The following RIMKLB variants were observed in gnomAD, a reference collection of about 807,000 sequenced individuals.
RIMKLB encodes the protein ribosomal modification protein rimK like family member B, also known as beta-citrylglutamate synthase B.
In RIMKLB, 7 loss-of-function variants were observed where a neutral mutation model predicts 32.0. The observed-to-expected ratio is 0.22, with a 90% CI of 0.12 to 0.41. The LOEUF (loss-of-function observed/expected upper bound fraction) is 0.41. Ranked by LOEUF, RIMKLB falls within the 10% of genes least tolerant of loss-of-function variation. RIMKLB has a pLI of 1.00. For missense variants in RIMKLB, 289 were observed against 498.7 expected (o/e 0.58, Z 4.00); for synonymous variants, 172 against 185.1 (o/e 0.93, Z 0.57).
At chr12:8,719,230 C>T (rs1945191308) in intron 2 of RIMKLB, among the ~76,000 whole-genome samples, 1 of 152,120 alleles carries the variant, frequency 6.6e-6, no homozygotes, top group Non-Finnish European at 1.5e-5. Context: ...CTTTTCCTGG[C>T]TTGAGAGCTC....
the RIMKLB span, among the ~76,000 whole-genome samples, chr12:8,672,583 C>T: frequency 4.0e-5 from 6 of 151,586 alleles, no homozygotes; most frequent in African/African-American, 9.7e-5. Context: ...ATCACTACCA[C>T]GAGAATAGCA....
chr12:8,748,611 A>G (rs1233506437), intron 2 of RIMKLB, among the ~76,000 whole-genome samples: 1 of 146,884 alleles, frequency 6.8e-6, no homozygotes, highest in Non-Finnish European at 1.5e-5. Context: ...TATATTTTTT[A>G]TATATATATA....
chr12:8,758,757 C>G (rs111242444), intron 5 of RIMKLB, among the ~76,000 whole-genome samples: 1 of 152,048 alleles, frequency 6.6e-6, no homozygotes, highest in Admixed American at 6.5e-5. Flanking sequence ...AATGAATAAC[C>G]GGTTGTCTGA....
Position 8,707,894 on chromosome 12 carries a change from G to A in RIMKLB, c.-56-5917G>A, listed in dbSNP as rs114414400. On this transcript the variant is annotated intron_variant, in intron 1 of 5. Transcript: ENST00000535829. ...CAACTCCCGTGATTCCTATCCAAGA[G>A]GGGATAGTGTTGAAAACAAGTCTTT... 5.2e-3 allele frequency among the ~76,000 whole-genome samples: 785 copies of A among 152,272 alleles called. 8 individuals carry two copies. The highest frequency in any genetic ancestry group is 0.017 in the African/African-American group (726 of 41,556).
intron 2 of RIMKLB, among the ~76,000 whole-genome samples, chr12:8,738,300 TC>T (rs1947203228): frequency 6.6e-6 from 1 of 152,182 alleles, no homozygotes; most frequent in Admixed American, 6.6e-5. Flanking sequence ...TGCCTCAACT[TC>T]CTGGAGTTCT....
chr12:8,679,066 G>A (rs1313447253), upstream of RIMKLB: 1 of 155,176 alleles, frequency 6.4e-6, no homozygotes, highest in African/African-American at 2.4e-5. Context: ...GGGATGGCCA[G>A]CCAGATGGAA....
chr12:8,677,371 A>G (rs1320615305), upstream of RIMKLB, among the ~76,000 whole-genome samples: 1 of 152,104 alleles, frequency 6.6e-6, no homozygotes, highest in Non-Finnish European at 1.5e-5. Flanking sequence ...CCCAGCACAT[A>G]CACCACACCC....
Position 8,773,729 on chromosome 12 carries a change from G to A in RIMKLB, c.1106G>A (p.Gly369Asp), listed in dbSNP as rs1565430782. 4 of 1,614,224 alleles carry A rather than the reference G, an allele frequency of 2.5e-6. No homozygotes were observed. The highest frequency in any genetic ancestry group is 3.4e-6 in the Non-Finnish European group (4 of 1,180,034). ...ERELLTKLPGGLFNMNQLLAN... is the reference protein window; with the variant it reads ...ERELLTKLPGDLFNMNQLLAN... ...GAGCTGCTCACCAAGCTCCCAGGGG[G>A]CCTGTTCAACATGAACCAGCTGCTA... The change falls in exon 6 of 6, where the codon GGC becomes GAC. Residue 369 changes from glycine to aspartate, a missense_variant. Transcript: ENST00000535829.
downstream of RIMKLB, among the ~76,000 whole-genome samples, chr12:8,781,506 TCTGCCATCAGTTCCACC>T (rs1173759076): frequency 9.3e-5 from 14 of 150,980 alleles, no homozygotes; most frequent in African/African-American, 3.2e-4. Flanking sequence ...CATGTTCCAC[TCTGCCATCAGTTCCACC>T]CTGCCTGTTC....
At chr12:8,768,298 G>A (rs920172559) in intron 5 of RIMKLB, among the ~76,000 whole-genome samples, 8 of 152,186 alleles carry the variant, frequency 5.3e-5, no homozygotes, top group African/African-American at 1.7e-4. Flanking sequence ...GATCTGGAGG[G>A]GTGGAAGTCA....
intron 2 of RIMKLB, among the ~76,000 whole-genome samples, chr12:8,733,520 G>A (rs1309785292): frequency 6.6e-6 from 1 of 152,160 alleles, no homozygotes; most frequent in South Asian, 2.1e-4. Context: ...GTCTGAAAAA[G>A]TGAGAAACTA....
intron 2 of RIMKLB, among the ~76,000 whole-genome samples, chr12:8,735,645 T>C (rs1300256327): frequency 6.6e-6 from 1 of 152,210 alleles, no homozygotes; most frequent in African/African-American, 2.4e-5. Flanking sequence ...TAAAACTTTA[T>C]TCACTGAACT....
At chr12:8,682,409 C>G (rs571922300) in intron 1 of RIMKLB, among the ~76,000 whole-genome samples, 21 of 152,152 alleles carry the variant, frequency 1.4e-4, no homozygotes, top group Non-Finnish European at 2.6e-4. Context: ...AGTCGGTTTC[C>G]TTCTCAATGC....
At chr12:8,710,168 T>G (rs899991283) in intron 1 of RIMKLB, among the ~76,000 whole-genome samples, 1 of 151,448 alleles carries the variant, frequency 6.6e-6, no homozygotes, top group African/African-American at 2.4e-5. Context: ...TTTTTTTGTA[T>G]TTTTAGTAGA....
At chr12:8,709,829 A>G (rs923738021) in intron 1 of RIMKLB, among the ~76,000 whole-genome samples, 1 of 152,210 alleles carries the variant, frequency 6.6e-6, no homozygotes, top group Admixed American at 6.5e-5. Context: ...TACTGTGCCT[A>G]ATATGCAAAT....
At chr12:8,736,411 C>G (rs1202497309) in intron 2 of RIMKLB, among the ~76,000 whole-genome samples, 1 of 152,020 alleles carries the variant, frequency 6.6e-6, no homozygotes, top group Non-Finnish European at 1.5e-5. Flanking sequence ...AGTTTTCACC[C>G]ATTGTTAATA....
chr12:8,747,646 T>C (rs1948218194), intron 2 of RIMKLB, among the ~76,000 whole-genome samples: 1 of 152,226 alleles, frequency 6.6e-6, no homozygotes, highest in African/African-American at 2.4e-5. Flanking sequence ...ATATCAATTA[T>C]TAGTAAGGAA....
At chr12:8,781,666 C>T (rs991077027), downstream of RIMKLB, among the ~76,000 whole-genome samples, 3 of 152,078 alleles carry the variant, frequency 2.0e-5, no homozygotes, top group Non-Finnish European at 2.9e-5. Flanking sequence ...TTTAATTATC[C>T]GATGTTGCCA....
chr12:8,777,215 C>CTTTTTTTTT (rs35828763), downstream of RIMKLB: 470 of 703,466 alleles, frequency 6.7e-4, 2 homozygotes, highest in Admixed American at 2.9e-3. Flanking sequence ...TGCTTGCTTT[C>CTTTTTTTTT]TTTTTTTTTT....
Sources: gnomAD v4.1 joint callset for allele counts (sites outside exome capture counted in the v4.1 genomes callset) on GRCh38, gnomAD v4.1.1 for gene constraint, MANE v1.5 for transcripts, NCBI Gene and HGNC (gene_info 2026-07-23, HGNC 2026-07-21) for gene names.